The following CDK14 variants were observed in gnomAD, a reference collection of about 807,000 sequenced individuals.
The protein encoded by CDK14 is cyclin-dependent kinase 14.
Under a neutral mutation model 60.7 loss-of-function variants are expected in CDK14, and 34 were observed. The ratio of observed to expected loss-of-function variants is 0.56; its 90% CI spans 0.43 to 0.75. The LOEUF (loss-of-function observed/expected upper bound fraction) is 0.75. Ranked by LOEUF, CDK14 falls within the 30% of genes least tolerant of loss-of-function variation. The pLI is 0.00. For missense variants in CDK14, 482 were observed against 564.1 expected (o/e 0.85, Z 1.47); for synonymous variants, 197 against 203.7 (o/e 0.97, Z 0.28).
At chr7:90,767,820 C>G (rs191992157) in intron 4 of CDK14, among the ~76,000 whole-genome samples, 1 of 152,272 alleles carries the variant, frequency 6.6e-6, no homozygotes, top group East Asian at 1.9e-4. Context: ...AAATCAGAAT[C>G]TGAGCCCTCT....
intron 4 of CDK14, among the ~76,000 whole-genome samples, chr7:90,786,288 C>T (rs1007489183): frequency 3.9e-5 from 6 of 152,144 alleles, no homozygotes; most frequent in Non-Finnish European, 5.9e-5. Context: ...CCTGAATTAA[C>T]GTCTCCACTG....
At chr7:90,790,293 T>C (rs1805778258) in intron 4 of CDK14, among the ~76,000 whole-genome samples, 1 of 152,096 alleles carries the variant, frequency 6.6e-6, no homozygotes. Context: ...TCAAGTGTGG[T>C]GATTTGGTTA....
intron 4 of CDK14, among the ~76,000 whole-genome samples, chr7:90,762,490 C>T (rs1049391442): frequency 2.6e-5 from 4 of 151,998 alleles, no homozygotes; most frequent in Non-Finnish European, 4.4e-5. Flanking sequence ...AAGTTACAAA[C>T]GTGACAGATA....
At chr7:90,651,622 A>G (rs1800644316) in intron 2 of CDK14, among the ~76,000 whole-genome samples, 1 of 152,120 alleles carries the variant, frequency 6.6e-6, no homozygotes, top group Non-Finnish European at 1.5e-5. Flanking sequence ...AGGTTTCTGG[A>G]TATGTCACCC....
At chr7:91,205,444 A>G (rs192283798) in intron 14 of CDK14, among the ~76,000 whole-genome samples, 1 of 152,352 alleles carries the variant, frequency 6.6e-6, no homozygotes, top group Admixed American at 6.5e-5. Flanking sequence ...CAAAATGGGT[A>G]GCATATTATA....
chr7:91,054,565 C>G (rs928729381), intron 11 of CDK14, among the ~76,000 whole-genome samples: 1 of 152,136 alleles, frequency 6.6e-6, no homozygotes, highest in Non-Finnish European at 1.5e-5. Flanking sequence ...TCTGGTTGAG[C>G]CAGCCATACT....
At chr7:90,675,896 C>T (rs1160933744) in intron 2 of CDK14, among the ~76,000 whole-genome samples, 1 of 152,152 alleles carries the variant, frequency 6.6e-6, no homozygotes, top group Admixed American at 6.5e-5. Flanking sequence ...AGACCTAAAA[C>T]AGTCAAGGCA....
At chr7:91,134,904 T>C (rs1800226347) in intron 14 of CDK14, among the ~76,000 whole-genome samples, 1 of 152,028 alleles carries the variant, frequency 6.6e-6, no homozygotes, top group South Asian at 2.1e-4. Flanking sequence ...ATTTATAGAA[T>C]TTTTTGTTGT....
At chr7:91,084,482 A>C (rs1366359493) in intron 12 of CDK14, among the ~76,000 whole-genome samples, 1 of 152,232 alleles carries the variant, frequency 6.6e-6, no homozygotes, top group East Asian at 1.9e-4. Context: ...CAGAGATGAC[A>C]GGCCTGCCTG....
chr7:91,200,695 C>T (rs1016577525), intron 14 of CDK14, among the ~76,000 whole-genome samples: 1 of 152,184 alleles, frequency 6.6e-6, no homozygotes, highest in Non-Finnish European at 1.5e-5. Flanking sequence ...CTCCAGTGGT[C>T]ACTGGGATCC....
chr7:90,641,592 G>T (rs1403605955), intron 2 of CDK14, among the ~76,000 whole-genome samples: 1 of 151,962 alleles, frequency 6.6e-6, no homozygotes, highest in Non-Finnish European at 1.5e-5. Flanking sequence ...GAGACAGAAA[G>T]TAGATTAATG....
At chr7:90,726,385 AAC>A (rs1802632553) in intron 2 of CDK14, 180 bp from the exon 3 acceptor site, 1 of 1,287,050 alleles carries the variant, frequency 7.8e-7, no homozygotes, top group Non-Finnish European at 1.0e-6. Flanking sequence ...TCTAAGTGTA[AAC>A]ACAATGATTG....
At chr7:91,121,834 A>T (rs1375428538) in intron 14 of CDK14, among the ~76,000 whole-genome samples, 1 of 152,188 alleles carries the variant, frequency 6.6e-6, no homozygotes, top group African/African-American at 2.4e-5. Flanking sequence ...AGCCTTAAAT[A>T]TACATAGAAA....
At chr7:90,634,565 C>A (rs1800088395) in intron 2 of CDK14, among the ~76,000 whole-genome samples, 1 of 151,972 alleles carries the variant, frequency 6.6e-6, no homozygotes, top group Non-Finnish European at 1.5e-5. Context: ...CAAGTCTTTG[C>A]TATTGTGAAT....
At chr7:91,070,637 G>A (rs1268063031) in intron 11 of CDK14, among the ~76,000 whole-genome samples, 2 of 152,098 alleles carry the variant, frequency 1.3e-5, no homozygotes, top group African/African-American at 4.8e-5. Flanking sequence ...GCATGCTCCT[G>A]TAGTCCCAGC....
chr7:90,762,137 T>A (rs1804341698), intron 4 of CDK14, among the ~76,000 whole-genome samples: 1 of 151,976 alleles, frequency 6.6e-6, no homozygotes, highest in Non-Finnish European at 1.5e-5. Context: ...GAGAGGACAT[T>A]TATGCATAGG....
At chr7:90,710,540 A>G (rs1802021833) in intron 2 of CDK14, 14 of 985,120 alleles carry the variant, frequency 1.4e-5, no homozygotes, top group Admixed American at 6.2e-5. Flanking sequence ...CACCTGCTTT[A>G]AGTGTGTACT....
chr7:90,687,953 A>G (rs1801473426), intron 2 of CDK14, among the ~76,000 whole-genome samples: 1 of 152,236 alleles, frequency 6.6e-6, no homozygotes, highest in Non-Finnish European at 1.5e-5. Flanking sequence ...GCTGAAGGAC[A>G]GAGAAGACAG....
At chr7:91,083,387 T>G (rs1032466730) in intron 12 of CDK14, among the ~76,000 whole-genome samples, 2 of 152,128 alleles carry the variant, frequency 1.3e-5, no homozygotes, top group Admixed American at 1.3e-4. Flanking sequence ...GAACACTGCA[T>G]GAGGTGTAGT....
Sources: allele counts gnomAD v4.1 joint callset (sites outside exome capture counted in the v4.1 genomes callset), GRCh38; gene constraint gnomAD v4.1.1; transcripts MANE v1.5; gene names NCBI Gene and HGNC (gene_info 2026-07-23, HGNC 2026-07-21).